Variants in GPHN observed in about 807,000 individuals in gnomAD.
GPHN encodes gephyrin.
Under a neutral mutation model 95.5 loss-of-function variants are expected in GPHN, and 17 were observed. The ratio of observed to expected loss-of-function variants is 0.18; its 90% CI spans 0.12 to 0.27. GPHN has a LOEUF of 0.27. GPHN is among the 10% of genes least tolerant of loss of function. The probability of loss-of-function intolerance (pLI) is 1.00; values close to 1 mark genes in which losing one functional copy is unlikely to be tolerated. For synonymous variants in GPHN, 320 were observed against 322.5 expected, an observed-to-expected ratio of 0.99 and a Z score of 0.08; for missense variants, 660 against 978.1, an observed-to-expected ratio of 0.67 and a Z score of 4.34.
chr14:67,256,173 C>T, the GPHN span, among the ~76,000 whole-genome samples: 2 of 152,174 alleles, frequency 1.3e-5, no homozygotes, highest in East Asian at 3.8e-4. Context: ...CTATTATCCT[C>T]ATTTTTCAGA....
the GPHN span, among the ~76,000 whole-genome samples, chr14:67,513,652 C>T: frequency 6.6e-6 from 1 of 152,188 alleles, no homozygotes; most frequent in Non-Finnish European, 1.5e-5. Flanking sequence ...ACAGGCCCAC[C>T]CTGGCCCAAC....
At chr14:67,259,794 C>T in the GPHN span, among the ~76,000 whole-genome samples, 6 of 151,684 alleles carry the variant, frequency 4.0e-5, no homozygotes, top group Non-Finnish European at 7.4e-5. Context: ...CGCCTGTAGT[C>T]CCAGCTACTT....
chr14:67,204,900 C>T, the GPHN span: 11 of 1,613,850 alleles, frequency 6.8e-6, no homozygotes, highest in South Asian at 7.7e-5. Context: ...CAGACATCAC[C>T]GACATCACAG....
chr14:67,144,899 A>T (rs1441238817), intron 18 of GPHN, among the ~76,000 whole-genome samples: 2 of 152,208 alleles, frequency 1.3e-5, no homozygotes, highest in African/African-American at 4.8e-5. Context: ...CAGGAGTGAA[A>T]GTGTTGTAGT....
the GPHN span, among the ~76,000 whole-genome samples, chr14:67,192,769 A>T: frequency 2.7e-5 from 4 of 148,844 alleles, no homozygotes; most frequent in Non-Finnish European, 5.9e-5. Context: ...ATATTTTAAC[A>T]TATATTACAT....
At position 67,032,342 on chromosome 14, in the gene GPHN, G is replaced by T. The variant is rs112025688; in HGVS notation, c.1006+8667G>T. Among the ~76,000 whole-genome samples, 548 of 152,228 alleles carry T rather than the reference G, an allele frequency of 3.6e-3. 11 individuals are homozygous for T. Among genetic ancestry groups the T allele is most frequent in the African/African-American group, 0.012 (512 of 41,532 alleles). On this transcript the variant is annotated intron_variant, in intron 10 of 22. Transcript: ENST00000478722. The stretch of plus-strand genomic sequence containing the variant: ...GAGGCAGCTTGCTGTAGTACCACAG[G>T]GCCTACAGTGCCACACACAGGCACC...
chr14:67,090,071 T>G (rs1349170958), intron 12 of GPHN, among the ~76,000 whole-genome samples: 1 of 152,170 alleles, frequency 6.6e-6, no homozygotes, highest in East Asian at 1.9e-4. Flanking sequence ...TTAGTGATTT[T>G]CAAACTATGA....
chr14:67,145,020 A>G (rs2080817566), intron 18 of GPHN, among the ~76,000 whole-genome samples: 1 of 151,940 alleles, frequency 6.6e-6, no homozygotes, highest in South Asian at 2.1e-4. Flanking sequence ...TCCTGAGATC[A>G]CAAAGGCTAG....
At chr14:67,727,368 C>T in the GPHN span, 2 of 628,102 alleles carry the variant, frequency 3.2e-6, no homozygotes, top group South Asian at 3.6e-5. Context: ...AGCTTAAAAT[C>T]AAATAGGGGT....
chr14:66,931,627 A>G (rs1242872923), intron 8 of GPHN, among the ~76,000 whole-genome samples: 6 of 152,144 alleles, frequency 3.9e-5, no homozygotes, highest in African/African-American at 1.4e-4. Context: ...TTTCTGCTTA[A>G]TCAGTTATGC....
the GPHN span, among the ~76,000 whole-genome samples, chr14:67,225,884 C>T: frequency 6.6e-6 from 1 of 150,860 alleles, no homozygotes; most frequent in Non-Finnish European, 1.5e-5. Context: ...ATTTTAGGGC[C>T]ATTGTGTCTT....
chr14:66,964,140 A>C (rs537623872), intron 8 of GPHN, among the ~76,000 whole-genome samples: 12 of 152,214 alleles, frequency 7.9e-5, no homozygotes, highest in Non-Finnish European at 1.8e-4. Context: ...TGTTAAAAAT[A>C]ATCTACAGTA....
the GPHN span, chr14:67,334,449 G>A: frequency 3.5e-4 from 53 of 152,516 alleles, no homozygotes; most frequent in Admixed American, 8.5e-4. Context: ...GCTAAACACT[G>A]GAATAATACT....
At chr14:67,063,998 C>G (rs1375131690) in intron 11 of GPHN, among the ~76,000 whole-genome samples, 1 of 152,124 alleles carries the variant, frequency 6.6e-6, no homozygotes, top group Non-Finnish European at 1.5e-5. Context: ...AGAAGACATC[C>G]TTGTGTTGTG....
chr14:67,278,991 T>A, the GPHN span: 1 of 556,574 alleles, frequency 1.8e-6, no homozygotes, highest in Non-Finnish European at 2.9e-6. Flanking sequence ...ATTCTTACAC[T>A]TTTTTCCCCC....
At chr14:67,724,660 C>T in the GPHN span, 2 of 1,178,260 alleles carry the variant, frequency 1.7e-6, no homozygotes, top group South Asian at 1.2e-5. Flanking sequence ...GGCCTCTGTC[C>T]ATATTGCTTT....
the GPHN span, chr14:67,473,949 G>GA: frequency 6.3e-7 from 1 of 1,577,608 alleles, no homozygotes; most frequent in Non-Finnish European, 8.6e-7. The surrounding 1 kb of genome is among the most constrained non-coding windows in gnomAD (Gnocchi z 6.5). Context: ...TGGCTGCGGG[G>GA]GGCGCAAGAG....
At chr14:66,558,232 C>T (rs920944400) in intron 1 of GPHN, among the ~76,000 whole-genome samples, 1 of 151,988 alleles carries the variant, frequency 6.6e-6, no homozygotes, top group Non-Finnish European at 1.5e-5. Flanking sequence ...AAGCTTATAG[C>T]TTCCTGAGGA....
At chr14:66,702,840 C>T (rs1471869345) in intron 2 of GPHN, among the ~76,000 whole-genome samples, 1 of 152,078 alleles carries the variant, frequency 6.6e-6, no homozygotes, top group Admixed American at 6.6e-5. Flanking sequence ...TAATAAAAAA[C>T]TACATGGAGC....
Sources: allele counts gnomAD v4.1 joint callset (sites outside exome capture counted in the v4.1 genomes callset), GRCh38; gene constraint gnomAD v4.1.1; non-coding constraint Gnocchi (gnomAD v3.1); transcripts MANE v1.5; gene names NCBI Gene and HGNC (gene_info 2026-07-23, HGNC 2026-07-21).